LINGO1: variants seen among roughly 807,000 people sequenced by gnomAD.
LINGO1 encodes the protein leucine-rich repeat and immunoglobulin-like domain-containing nogo receptor-interacting protein 1.
Under a neutral mutation model 37.3 loss-of-function variants are expected in LINGO1, and 11 were observed. That is an observed-to-expected ratio of 0.29 (90% CI 0.19 to 0.49). The LOEUF is 0.49. LINGO1 is among the 20% of genes least tolerant of loss of function. The pLI is 0.99. For synonymous variants in LINGO1, 387 were observed against 403.0 expected (o/e 0.96, Z 0.48); for missense variants, 585 against 878.2 (o/e 0.67, Z 4.22).
chr15:77,809,549 C>T (rs1180949230), intron 1 of LINGO1, among the ~76,000 whole-genome samples: 3 of 152,200 alleles, frequency 2.0e-5, no homozygotes, highest in African/African-American at 4.8e-5. Flanking sequence ...TGCCCCGCCC[C>T]GACCCGATTC....
chr15:77,797,464 T>A (rs563831982), intron 1 of LINGO1, among the ~76,000 whole-genome samples: 1 of 152,278 alleles, frequency 6.6e-6, no homozygotes, highest in South Asian at 2.1e-4. Flanking sequence ...GGATGTGTGC[T>A]TGGGGAGCAT....
intron 2 of LINGO1, among the ~76,000 whole-genome samples, chr15:77,721,622 C>G (rs367867479): frequency 1.1e-4 from 16 of 152,222 alleles, no homozygotes; most frequent in African/African-American, 3.9e-4. Context: ...CTATTGTATC[C>G]CCAGTGCCTA....
chr15:77,618,261 A>G (rs2073797028), intron 1 of LINGO1, among the ~76,000 whole-genome samples: 1 of 152,166 alleles, frequency 6.6e-6, no homozygotes, highest in Non-Finnish European at 1.5e-5. Context: ...TCTTATACAG[A>G]CACGAATCTG....
chr15:77,639,547 T>C (rs1309303645), intron 3 of LINGO1, among the ~76,000 whole-genome samples: 1 of 151,906 alleles, frequency 6.6e-6, no homozygotes. Flanking sequence ...AGGATTGTTA[T>C]AGCGAAAAAC....
At chr15:77,699,743 C>T (rs78578688), upstream of LINGO1, among the ~76,000 whole-genome samples, 53 of 348 alleles carry the variant, frequency 0.15, no homozygotes, top group South Asian at 0.5. Context: ...CTAACCATCA[C>T]CTGCACACAG....
Position 77,614,850 on chromosome 15 carries a change from A to C in LINGO1, c.1057T>G (p.Ser353Ala). 6.2e-7 allele frequency: 1 copy of C among 1,613,758 alleles called. No individual in the cohort carries two copies. Among genetic ancestry groups the C allele is most frequent in the African/African-American group, 1.3e-5 (1 of 75,052 alleles). The stretch of plus-strand genomic sequence containing the variant: ...AGGTTGCCCACCGAGTGGAAGACTG[A>C]TTCCTCCAGTGTGGTCAGCTGGTTG... ...SGNQLTTLEE[S>A]VFHSVGNLET... Residue 353 changes from serine (S) to alanine (A), a missense_variant, in exon 2 of 2, where the codon TCA (serine) becomes GCA (alanine). Around this residue, in one of 4 missense-constraint regions of LINGO1, gnomAD observed 484 missense variants for 735.0 expected, o/e 0.66. Transcript: ENST00000355300.
intron 3 of LINGO1, among the ~76,000 whole-genome samples, chr15:77,672,226 C>T (rs767702660): frequency 9.2e-5 from 14 of 151,410 alleles, no homozygotes; most frequent in East Asian, 1.9e-4. Context: ...CTCTCAAGCC[C>T]GGGGGGAAGC....
intron 1 of LINGO1, among the ~76,000 whole-genome samples, chr15:77,768,363 T>C (rs1005167934): frequency 6.6e-6 from 1 of 152,114 alleles, no homozygotes; most frequent in Non-Finnish European, 1.5e-5. Context: ...CCTCCTGAAC[T>C]TTTCTTTCTA....
At chr15:77,701,800 T>G (rs2075787047) in intron 2 of LINGO1, among the ~76,000 whole-genome samples, 1 of 152,158 alleles carries the variant, frequency 6.6e-6, no homozygotes, top group Admixed American at 6.5e-5. Context: ...CCCCCTCCCC[T>G]GATGCAGATG....
chr15:77,710,863 G>A (rs2075910528), intron 2 of LINGO1, among the ~76,000 whole-genome samples: 1 of 152,262 alleles, frequency 6.6e-6, no homozygotes, highest in African/African-American at 2.4e-5. Context: ...CTTTGATGGT[G>A]CCAGGCCATG....
intron 2 of LINGO1, among the ~76,000 whole-genome samples, chr15:77,723,059 C>T (rs2076066738): frequency 6.6e-6 from 1 of 152,130 alleles, no homozygotes; most frequent in African/African-American, 2.4e-5. Context: ...GACCCAGGGC[C>T]CATCGCTTTC....
At chr15:77,765,003 C>A (rs1374700280) in intron 1 of LINGO1, among the ~76,000 whole-genome samples, 1 of 152,208 alleles carries the variant, frequency 6.6e-6, no homozygotes, top group African/African-American at 2.4e-5. Flanking sequence ...CCCATCACAA[C>A]AGTGAAGAAT....
At chr15:77,701,240 C>A (rs536888745), upstream of LINGO1, among the ~76,000 whole-genome samples, 1 of 152,108 alleles carries the variant, frequency 6.6e-6, no homozygotes, top group Non-Finnish European at 1.5e-5. Flanking sequence ...AACCAACAGG[C>A]CTGGGGGGTC....
At chr15:77,810,989 G>A (rs1252108931) in intron 1 of LINGO1, among the ~76,000 whole-genome samples, 1 of 152,018 alleles carries the variant, frequency 6.6e-6, no homozygotes, top group Non-Finnish European at 1.5e-5. Flanking sequence ...ACCCCCTTGA[G>A]TTTCACTTCC....
intron 1 of LINGO1, among the ~76,000 whole-genome samples, chr15:77,694,173 G>A (rs2075651456): frequency 6.6e-6 from 1 of 152,074 alleles, no homozygotes; most frequent in Admixed American, 6.5e-5. Flanking sequence ...GGACTGAAGC[G>A]GGTGTTACAG....
At chr15:77,819,320 C>A (rs1223693332) in intron 1 of LINGO1, 1 of 151,040 alleles carries the variant, frequency 6.6e-6, no homozygotes, top group African/African-American at 2.4e-5. Context: ...CCGGCATCCC[C>A]CGGCTCGGCT....
intron 1 of LINGO1, among the ~76,000 whole-genome samples, chr15:77,754,879 C>G (rs146963186): frequency 6.6e-6 from 1 of 152,238 alleles, no homozygotes; most frequent in Admixed American, 6.5e-5. Flanking sequence ...CAGGCTTCCA[C>G]GAAACTCAAT....
chr15:77,723,026 T>C (rs1232636984), intron 2 of LINGO1, among the ~76,000 whole-genome samples: 1 of 152,172 alleles, frequency 6.6e-6, no homozygotes. Flanking sequence ...CCAGCACACT[T>C]GCAGGCTCCG....
chr15:77,768,893 T>C (rs2076556383), intron 1 of LINGO1, among the ~76,000 whole-genome samples: 1 of 152,104 alleles, frequency 6.6e-6, no homozygotes, highest in East Asian at 1.9e-4. Flanking sequence ...GCAGCAGGGG[T>C]GTGGCCACAG....
Sources: gnomAD v4.1 joint callset for allele counts (sites outside exome capture counted in the v4.1 genomes callset) on GRCh38, gnomAD v4.1.1 for gene constraint, gnomAD v4.1.1 regional missense constraint, MANE v1.5 for transcripts, NCBI Gene and HGNC (gene_info 2026-07-23, HGNC 2026-07-21) for gene names.